Variants in BTD observed in about 807,000 individuals in gnomAD.
The protein encoded by BTD is biocytinase.
BTD carries 13 observed loss-of-function variants against 17.7 expected under a neutral mutation model. That is an observed-to-expected ratio of 0.74 (90% CI 0.48 to 1.17). The LOEUF is 1.17. Ranked by LOEUF, BTD falls within the 50% of genes most tolerant of loss-of-function variation. BTD has a pLI of 0.00. For synonymous variants in BTD, 240 were observed against 245.2 expected (o/e 0.98, Z 0.20); for missense variants, 674 against 650.4 (o/e 1.04, Z -0.39).
Position 15,643,340 on chromosome 3 carries a change from T to A in BTD, c.400-976T>A, listed in dbSNP as rs577031521. Among the ~76,000 whole-genome samples, 9 of 152,026 alleles carry A rather than the reference T, an allele frequency of 5.9e-5. No homozygotes were observed. The South Asian group carries it at 1.9e-3, about 32-fold the overall frequency. On this transcript the variant is annotated intron_variant, in intron 3 of 3. Coordinates refer to ENST00000643237, the MANE Select transcript of BTD (RefSeq NM_001370658.1). ...ACATGGTGAAACCTCGTCTCTACAA[T>A]AAATACAAAAATTAGCTGGGTGTGG...
At chr3:15,712,032 T>C in exon 4 of BTD, 1 of 826,140 alleles carries the variant, frequency 1.2e-6, no homozygotes, top group South Asian at 1.6e-5. Context: ...TATTAAATTA[T>C]CCATACTGGA....
chr3:15,627,813 C>T lies in BTD; in HGVS notation c.-16-7611C>T, dbSNP rs534774343. Among the ~76,000 whole-genome samples, 10 of 152,200 alleles carry T rather than the reference C, an allele frequency of 6.6e-5. No individual in the cohort carries two copies. The South Asian group carries it at 8.3e-4, about 13-fold the overall frequency. On this transcript the variant is annotated intron_variant, in intron 1 of 3. Transcript: ENST00000643237. ...CTCGGCTCACTGCAATCTCTGCCTC[C>T]GAGGTTCAAGCTATTCTCTTGCTTC...
intron 3 of BTD, chr3:15,695,312 C>A: frequency 2.3e-6 from 2 of 885,238 alleles, no homozygotes; most frequent in Admixed American, 2.5e-5. Flanking sequence ...TACCCTAAAC[C>A]CGTGCTTCCT....
At chr3:15,660,428 G>A (rs1262138875) in intron 3 of BTD, among the ~76,000 whole-genome samples, 1 of 152,230 alleles carries the variant, frequency 6.6e-6, no homozygotes, top group African/African-American at 2.4e-5. Flanking sequence ...CACAGGTCTA[G>A]TCTTGTTTCA....
chr3:15,652,534 G>T lies in BTD; in HGVS notation c.*7046G>T, dbSNP rs972906318. On this transcript the variant is annotated 3_prime_UTR_variant, in exon 4 of 4. Coordinates refer to ENST00000643237, the MANE Select transcript of BTD (RefSeq NM_001370658.1). ...AAGCTTCCAGATGACCACTGCCCTGGGAAACGACTGCAACCTCATGAGAGA... is the reference window on the plus strand; with the variant it reads ...AAGCTTCCAGATGACCACTGCCCTGTGAAACGACTGCAACCTCATGAGAGA... 2.0e-5 allele frequency among the ~76,000 whole-genome samples: 3 copies of T among 152,112 alleles called. No homozygotes were observed. The highest frequency in any genetic ancestry group is 7.2e-5 in the African/African-American group (3 of 41,412).
chr3:15,678,093 G>T, intron 3 of BTD: 2 of 1,061,866 alleles, frequency 1.9e-6, no homozygotes, highest in South Asian at 3.6e-5. Flanking sequence ...CAGGTAAAAG[G>T]TTTTAAGTCT....
intron 1 of BTD, chr3:15,606,326 T>C (rs1227039992): frequency 6.6e-6 from 1 of 152,226 alleles, no homozygotes; most frequent in Non-Finnish European, 1.5e-5. Flanking sequence ...GATTTTGCTT[T>C]GCAGCCCAGA....
At chr3:15,674,581 T>C (rs2066742370) in intron 3 of BTD, among the ~76,000 whole-genome samples, 1 of 152,190 alleles carries the variant, frequency 6.6e-6, no homozygotes, top group Admixed American at 6.5e-5. Flanking sequence ...GTGAGAAGTC[T>C]GGGCTGGAGA....
In BTD at chr3:15,653,118, A is replaced by G. The variant is rs929422992; in HGVS notation, c.*7630A>G. 1.3e-5 allele frequency among the ~76,000 whole-genome samples: 2 copies of G among 152,246 alleles called. No individual in the cohort carries two copies. Among genetic ancestry groups the G allele is most frequent in the East Asian group, 3.8e-4 (2 of 5,198 alleles). ...CAGGGGCTCTCGAAAGGTGGGCTCC[A>G]GGCAGCAGCACCAGTAGCACCTGGG... On this transcript the variant is annotated 3_prime_UTR_variant, in exon 4 of 4. Coordinates refer to ENST00000643237, the MANE Select transcript of BTD (RefSeq NM_001370658.1).
downstream of BTD, among the ~76,000 whole-genome samples, chr3:15,657,837 A>AT (rs56188027): frequency 1.3e-5 from 2 of 151,508 alleles, no homozygotes; most frequent in African/African-American, 2.4e-5. Context: ...AAAAAAAAAA[A>AT]GAGTACCAGA....
Position 15,630,100 on chromosome 3 carries a change from A to G in BTD, c.-16-5324A>G. 4.1e-6 allele frequency: 4 copies of G among 985,386 alleles called. No individual in the cohort carries two copies. In the South Asian group the frequency reaches 1.9e-4, roughly 46 times the overall value. The allele number at this position is 985,386 out of a possible 1,614,324, so 61.0% of individuals were successfully genotyped here. A position where few individuals can be genotyped will look rare whatever the true frequency, so the allele number is the denominator to read the frequency against. On this transcript the variant is annotated intron_variant, in intron 1 of 3. Coordinates refer to ENST00000643237, the MANE Select transcript of BTD (RefSeq NM_001370658.1). ...GTATGAAATTGCAACAAATTCAAAA[A>G]GATGCCATCGTGGGAGTGTGGTGAG...
In BTD at chr3:15,631,515, G is replaced by T; in HGVS notation, c.-16-3909G>T. On this transcript the variant is annotated intron_variant, in intron 1 of 3. Coordinates refer to ENST00000643237, the MANE Select transcript of BTD (RefSeq NM_001370658.1). Reference sequence around the variant, plus strand: ...AGCAAGGTGGGGAAAAATCCCTTGTGTGTAAAAATATCTAGTGATTGACAT... The same window carrying T: ...AGCAAGGTGGGGAAAAATCCCTTGTTTGTAAAAATATCTAGTGATTGACAT... 2.6e-6 allele frequency: 4 copies of T among 1,513,672 alleles called. No individual in the cohort carries two copies. The South Asian group carries it at 4.8e-5, about 18-fold the overall frequency. 93.8% of individuals were successfully genotyped at this position (1,513,672 alleles called of 1,614,324 possible).
rs201960494 is a variant in BTD at position 15,643,037 on chromosome 3, A to T, written c.399+980A>T. Among the ~76,000 whole-genome samples the T allele has an allele frequency of 6.1e-4, 62 of 101,196 alleles. No homozygotes were observed. In the South Asian group the frequency reaches 7.5e-3, roughly 12 times the overall value. 66.4% of individuals were successfully genotyped at this position (101,196 alleles called of 152,430 possible). On this transcript the variant is annotated intron_variant, in intron 3 of 3. Coordinates refer to ENST00000643237, the MANE Select transcript of BTD (RefSeq NM_001370658.1). ...AGCAAAACTCTGCCTCAAAAAAAAA[A>T]AAAAAAATAAAATAAAATAAAGAAA...
At chr3:15,608,350 A>C (rs2064516913) in intron 1 of BTD, among the ~76,000 whole-genome samples, 1 of 152,204 alleles carries the variant, frequency 6.6e-6, no homozygotes, top group Admixed American at 6.5e-5. Flanking sequence ...CATTTGAGAT[A>C]GTTTGACAGC....
At chr3:15,655,586 CT>C (rs1393353227), downstream of BTD, among the ~76,000 whole-genome samples, 1 of 152,186 alleles carries the variant, frequency 6.6e-6, no homozygotes, top group Non-Finnish European at 1.5e-5. Flanking sequence ...GAGACCAGGC[CT>C]GGCTTGCTTT....
downstream of BTD, among the ~76,000 whole-genome samples, chr3:15,658,494 A>G (rs1424204717): frequency 6.6e-6 from 1 of 151,622 alleles, no homozygotes; most frequent in Non-Finnish European, 1.5e-5. Context: ...TTGTACATGT[A>G]GCCCACTTTT....
At chr3:15,626,559 C>T (rs1335009335) in intron 1 of BTD, among the ~76,000 whole-genome samples, 2 of 152,012 alleles carry the variant, frequency 1.3e-5, no homozygotes, top group Non-Finnish European at 2.9e-5. Flanking sequence ...GAGAGGATTG[C>T]TTCAGGCCTG....
At chr3:15,698,023 G>C (rs762135747) in intron 3 of BTD, among the ~76,000 whole-genome samples, 1 of 151,874 alleles carries the variant, frequency 6.6e-6, no homozygotes. Context: ...TTTGCGTAGA[G>C]GTGTTTATAG....
At chr3:15,677,396 T>C (rs2067054223) in intron 3 of BTD, 5 of 962,618 alleles carry the variant, frequency 5.2e-6, no homozygotes, top group Admixed American at 3.9e-5. Flanking sequence ...TGGTCCTGAG[T>C]TGTTCATTTT....
Sources: allele counts gnomAD v4.1 joint callset (sites outside exome capture counted in the v4.1 genomes callset), GRCh38; gene constraint gnomAD v4.1.1; transcripts MANE v1.5; gene names NCBI Gene and HGNC (gene_info 2026-07-23, HGNC 2026-07-21).